LTBP1: variants seen among roughly 807,000 people sequenced by gnomAD.
LTBP1 encodes the protein latent-transforming growth factor beta-binding protein 1.
In LTBP1, 129 loss-of-function variants were observed where a neutral mutation model predicts 207.6. That is an observed-to-expected ratio of 0.62 (90% CI 0.54 to 0.72). The LOEUF (loss-of-function observed/expected upper bound fraction) is 0.72, where lower values mean the gene tolerates loss of function less well. Among genes scored for constraint, LTBP1 ranks in the 30% least tolerant of loss-of-function variants. The probability of loss-of-function intolerance (pLI) is 0.00; values close to 1 mark genes in which losing one functional copy is unlikely to be tolerated. For missense variants in LTBP1, 2,281 were observed against 2,217.2 expected (o/e 1.03, Z -0.58); for synonymous variants, 963 against 833.7 (o/e 1.16, Z -2.67).
intron 24 of LTBP1, among the ~76,000 whole-genome samples, chr2:33,338,966 A>G (rs1447347010): frequency 2.6e-5 from 4 of 152,050 alleles, no homozygotes; most frequent in Non-Finnish European, 5.9e-5. Flanking sequence ...GATTCTGAAC[A>G]CTCTGAGCAA....
rs779294931 is a variant in LTBP1, at chr2:33,252,742, T to C, written c.2065T>C (p.Cys689Arg). The C allele has an allele frequency of 6.2e-7, 1 of 1,613,968 alleles. No homozygotes were observed. The highest frequency in any genetic ancestry group is 1.1e-5 in the South Asian group (1 of 91,052). ...CCGACTTGTCAGTTCTGGAAGACAG[T>C]GTATGCACCCTCTGTCTGTTCACCT... ...CYRLVSSGRQ[C>R]MHPLSVHLTK... is the part of the protein sequence containing the mutation. Residue 689 changes from cysteine (C) to arginine (R), a missense_variant, in exon 11 of 34, where the codon TGT (cysteine) becomes CGT (arginine). This residue lies in a region of LTBP1 where 1,671 missense variants were observed against 1,634.8 expected (regional missense o/e 1.02). Coordinates refer to ENST00000404816, the MANE Select transcript of LTBP1 (RefSeq NM_206943.4).
chr2:33,190,226 G>T (rs368272192), intron 7 of LTBP1, among the ~76,000 whole-genome samples: 14 of 152,258 alleles, frequency 9.2e-5, no homozygotes, highest in African/African-American at 3.1e-4. Flanking sequence ...TGGAGGCTTC[G>T]TTCTGTGGTT....
At chr2:33,002,154 TATTAAAAAA>T (rs1315331956) in intron 2 of LTBP1, among the ~76,000 whole-genome samples, 2 of 147,076 alleles carry the variant, frequency 1.4e-5, no homozygotes, top group African/African-American at 4.9e-5. Flanking sequence ...ATTATTGTTA[TATTAAAAAA>T]ATAGCCTTTG....
At chr2:33,054,404 T>A (rs1488654382) in intron 3 of LTBP1, among the ~76,000 whole-genome samples, 2 of 152,178 alleles carry the variant, frequency 1.3e-5, no homozygotes, top group Non-Finnish European at 2.9e-5. Flanking sequence ...TGGGCGGGCA[T>A]TTTTTAGCCT....
chr2:33,186,609 C>T (rs2148809282), intron 5 of LTBP1, among the ~76,000 whole-genome samples: 1 of 151,722 alleles, frequency 6.6e-6, no homozygotes, highest in South Asian at 2.1e-4. Context: ...ACTTTTCTTT[C>T]CATTGTTGGA....
intron 7 of LTBP1, among the ~76,000 whole-genome samples, chr2:33,194,135 C>T (rs903947381): frequency 4.6e-5 from 7 of 152,030 alleles, no homozygotes; most frequent in South Asian, 2.1e-4. Flanking sequence ...AACAGGCGCC[C>T]GCCACCACGC....
chr2:33,230,774 A>G (rs529389226), intron 9 of LTBP1, among the ~76,000 whole-genome samples: 1 of 152,298 alleles, frequency 6.6e-6, no homozygotes, highest in East Asian at 1.9e-4. Context: ...TACTTGGGGA[A>G]TCAGTCTGTT....
At chr2:33,171,713 A>G (rs978020402) in intron 5 of LTBP1, among the ~76,000 whole-genome samples, 37 of 152,212 alleles carry the variant, frequency 2.4e-4, no homozygotes, top group Non-Finnish European at 3.2e-4. Flanking sequence ...TGTCAGATTC[A>G]CCAAAGTTGA....
chr2:33,143,637 A>G (rs1282995293), intron 5 of LTBP1, among the ~76,000 whole-genome samples: 1 of 152,180 alleles, frequency 6.6e-6, no homozygotes, highest in African/African-American at 2.4e-5. Flanking sequence ...TCATGGGCAA[A>G]GTGCAATTAG....
At chr2:33,228,062 C>A (rs1233912412) in intron 9 of LTBP1, among the ~76,000 whole-genome samples, 2 of 152,040 alleles carry the variant, frequency 1.3e-5, no homozygotes, top group Non-Finnish European at 2.9e-5. Context: ...GCCTCGGCCT[C>A]CCAAAGTGCT....
intron 33 of LTBP1, 128 bp downstream of exon 33, chr2:33,397,410 T>A: frequency 1.1e-6 from 1 of 870,106 alleles, no homozygotes; most frequent in Non-Finnish European, 1.8e-6. Context: ...TCTGGAGATG[T>A]ACATTAAGTA....
chr2:33,218,975 G>A (rs1383684538), intron 8 of LTBP1, among the ~76,000 whole-genome samples: 2 of 151,976 alleles, frequency 1.3e-5, no homozygotes, highest in Admixed American at 6.6e-5. Context: ...TGCCATCTGG[G>A]CATTAGTATT....
At chr2:33,398,201 T>G (rs2095377126) in intron 33 of LTBP1, among the ~76,000 whole-genome samples, 163 bp from the exon 34 acceptor site, 1 of 152,168 alleles carries the variant, frequency 6.6e-6, no homozygotes, top group African/African-American at 2.4e-5. Flanking sequence ...ATCTGCCTCT[T>G]TAAGATCTCA....
In LTBP1 at chr2:33,217,571, G is replaced by T; in HGVS notation, c.1721G>T (p.Gly574Val). Residue 574 changes from glycine (G) to valine (V), a missense_variant, in exon 8 of 34, where the codon GGC (glycine) becomes GTC (valine). Gly to Val is a moderately radical substitution (Grantham distance 109). Around this residue, in one of 3 missense-constraint regions of LTBP1, gnomAD observed 1,671 missense variants for 1,634.8 expected, o/e 1.02. Coordinates refer to ENST00000404816, the MANE Select transcript of LTBP1 (RefSeq NM_206943.4). ...IGSQCGKALP[G>V]LSKQEDCCGT... ...TTGCAGTGTGGCAAAGCGCTCCCTGGCCTTTCAAAGCAAGAGGACTGCTGT... is the reference window on the plus strand; with the variant it reads ...TTGCAGTGTGGCAAAGCGCTCCCTGTCCTTTCAAAGCAAGAGGACTGCTGT... 6.2e-7 allele frequency: 1 copy of T among 1,613,828 alleles called. No homozygotes were observed. The highest frequency in any genetic ancestry group is 8.5e-7 in the Non-Finnish European group (1 of 1,179,812).
chr2:33,158,259 G>A (rs749966096), intron 5 of LTBP1, among the ~76,000 whole-genome samples: 6 of 151,700 alleles, frequency 4.0e-5, no homozygotes, highest in Non-Finnish European at 5.9e-5. Flanking sequence ...ATTGTGTTGT[G>A]TAAACTTCAG....
chr2:33,030,303 G>C (rs2075632609), intron 3 of LTBP1, among the ~76,000 whole-genome samples: 1 of 152,102 alleles, frequency 6.6e-6, no homozygotes, highest in African/African-American at 2.4e-5. Context: ...AATTTGAAAG[G>C]AAACACTCTC....
At chr2:33,204,946 A>G (rs1258425300) in intron 7 of LTBP1, among the ~76,000 whole-genome samples, 1 of 152,180 alleles carries the variant, frequency 6.6e-6, no homozygotes, top group Non-Finnish European at 1.5e-5. Context: ...CAAATTCATC[A>G]TATCTTGGCC....
chr2:32,947,142 G>A lies in LTBP1; in HGVS notation c.-183G>A, dbSNP rs537708513. 3 of 374,178 alleles carry A rather than the reference G, an allele frequency of 8.0e-6. No individual in the cohort carries two copies. Among genetic ancestry groups the A allele is most frequent in the Non-Finnish European group, 1.4e-5 (3 of 217,098 alleles). The allele number at this position is 374,178 out of a possible 1,614,324, so 23.2% of individuals were successfully genotyped here. A position where few individuals can be genotyped will look rare whatever the true frequency, so the allele number is the denominator to read the frequency against. ...CTCCTGCTCCCAGCCACAATCGGCC[G>A]GGGTCTGGGGCCGCTCAGCTGCCCG... On this transcript the variant is annotated 5_prime_UTR_variant, in exon 1 of 34. Coordinates refer to ENST00000404816, the MANE Select transcript of LTBP1 (RefSeq NM_206943.4).
intron 32 of LTBP1, among the ~76,000 whole-genome samples, chr2:33,391,243 T>C (rs631004): frequency 0.31 from 45,134 of 144,878 alleles, 7,481 homozygotes; most frequent in African/African-American, 0.4. Flanking sequence ...CCCTGGTGCC[T>C]TTTCCCACCC....
Sources: gnomAD v4.1 joint callset for allele counts (sites outside exome capture counted in the v4.1 genomes callset) on GRCh38, gnomAD v4.1.1 for gene constraint, gnomAD v4.1.1 regional missense constraint, MANE v1.5 for transcripts, NCBI Gene and HGNC (gene_info 2026-07-23, HGNC 2026-07-21) for gene names.